Variants in DGKK observed in about 807,000 individuals in gnomAD.
The protein encoded by DGKK is diacylglycerol kinase kappa.
In DGKK, 35 loss-of-function variants were observed where a neutral mutation model predicts 92.2. That is an observed-to-expected ratio of 0.38 (90% CI 0.29 to 0.50). The LOEUF (loss-of-function observed/expected upper bound fraction) is 0.50. Ranked by LOEUF, DGKK falls within the 20% of genes least tolerant of loss-of-function variation. The probability of loss-of-function intolerance (pLI) is 0.92; values close to 1 mark genes in which losing one functional copy is unlikely to be tolerated. For missense variants in DGKK, 910 were observed against 992.2 expected, an observed-to-expected ratio of 0.92 and a Z score of 1.11; for synonymous variants, 368 against 360.6, an observed-to-expected ratio of 1.02 and a Z score of -0.23.
At chrX:50,414,919 C>A (rs1925394310) in intron 4 of DGKK, among the ~76,000 whole-genome samples, 1 of 111,835 alleles carries the variant, frequency 8.9e-6, no homozygotes, top group Admixed American at 9.4e-5. Context: ...GACCATAGAA[C>A]TATTCGGATG....
At chrX:50,465,634 T>G (rs1926881764) in intron 1 of DGKK, among the ~76,000 whole-genome samples, 1 of 111,059 alleles carries the variant, frequency 9.0e-6, no homozygotes, top group Admixed American at 9.6e-5. Context: ...CTGGCTCCTC[T>G]TCTATGCTGG....
At chrX:50,458,622 AT>A (rs1926669505) in intron 1 of DGKK, among the ~76,000 whole-genome samples, 1 of 110,528 alleles carries the variant, frequency 9.0e-6, no homozygotes, top group Admixed American at 9.8e-5. Flanking sequence ...TATATGCCCC[AT>A]CAGCCAACCC....
chrX:50,450,562 A>G (rs1324039172), intron 1 of DGKK, among the ~76,000 whole-genome samples: 2 of 111,809 alleles, frequency 1.8e-5, no homozygotes, highest in East Asian at 5.7e-4. Context: ...ATTTATAATC[A>G]TTTGTCTGTC....
At chrX:50,448,703 C>T (rs1339344126) in intron 1 of DGKK, among the ~76,000 whole-genome samples, 1 of 111,296 alleles carries the variant, frequency 9.0e-6, no homozygotes, top group Non-Finnish European at 1.9e-5. Flanking sequence ...ACCAGTATCC[C>T]TTAATAGTGG....
intron 4 of DGKK, among the ~76,000 whole-genome samples, chrX:50,417,765 C>G (rs1232631229): frequency 1.8e-5 from 2 of 110,587 alleles, no homozygotes; most frequent in Non-Finnish European, 3.8e-5. Context: ...TTTCCCTTGT[C>G]TAACCCATCC....
At position 50,367,048 on chromosome X, in the gene DGKK, T is replaced by C. The variant is rs1923991156; in HGVS notation, c.*1892A>G. The stretch of plus-strand genomic sequence containing the variant: ...TTGGGGACTATCCCCTTGTTAATAT[T>C]TTTCTCCTCACCCCTGCGGAGGTGG... On this transcript the variant is annotated 3_prime_UTR_variant, in exon 28 of 28. Coordinates refer to ENST00000611977, the MANE Select transcript of DGKK (RefSeq NM_001013742.4). 1 of 112,266 alleles carries C rather than the reference T, an allele frequency of 8.9e-6. No individual in the cohort carries two copies. Among genetic ancestry groups the C allele is most frequent in the Non-Finnish European group, 1.9e-5 (1 of 53,248 alleles). 9.3% of individuals were successfully genotyped at this position (112,266 alleles called of 1,213,427 possible).
intron 1 of DGKK, among the ~76,000 whole-genome samples, chrX:50,444,697 T>C (rs1282532667): frequency 8.9e-6 from 1 of 112,268 alleles, no homozygotes; most frequent in Non-Finnish European, 1.9e-5. Flanking sequence ...CTGTCATTGA[T>C]GGGCATTTAG....
At position 50,470,388 on chromosome X, in the gene DGKK, A is replaced by G; in HGVS notation, c.291T>C (p.Pro97=). Reference sequence around the variant, plus strand: ...CAGGTTCTGGGGCCGGCTCTGTGGCAGGTTCTGGGGCCGGTTCTGAGGCCG... The same window carrying G: ...CAGGTTCTGGGGCCGGCTCTGTGGCGGGTTCTGGGGCCGGTTCTGAGGCCG... The part of the protein sequence containing the change: ...TEPASEPAPE[P]ATEPAPEPAT... Residue 97 remains proline (P), a synonymous_variant, in exon 1 of 28, where the codon CCT becomes CCC. Transcript: ENST00000611977. 8.3e-7 allele frequency: 1 copy of G among 1,207,255 alleles called. No homozygotes were observed.
At chrX:50,450,620 T>A (rs998579553) in intron 1 of DGKK, among the ~76,000 whole-genome samples, 11 of 112,259 alleles carry the variant, frequency 9.8e-5, no homozygotes, top group African/African-American at 3.6e-4. Context: ...CACAGCAGTG[T>A]ATACATGACT....
chrX:50,463,893 C>T (rs868915073), intron 1 of DGKK, among the ~76,000 whole-genome samples: 3 of 110,368 alleles, frequency 2.7e-5, no homozygotes, highest in South Asian at 7.7e-4. Flanking sequence ...TTGTGTTTCT[C>T]CCCTACCTAT....
intron 1 of DGKK, among the ~76,000 whole-genome samples, chrX:50,429,995 T>G (rs1208984256): frequency 8.9e-6 from 1 of 112,401 alleles, no homozygotes; most frequent in Non-Finnish European, 1.9e-5. Flanking sequence ...CACCCTGAAA[T>G]TAGCATCTTC....
chrX:50,391,670 T>C, intron 10 of DGKK, 94 bp from the exon 11 acceptor site: 1 of 1,000,472 alleles, frequency 1.0e-6, no homozygotes, highest in Middle Eastern at 2.7e-4. Flanking sequence ...GGAAGAATTA[T>C]GGTCTTAAAA....
intron 19 of DGKK, 32 bp from the exon 20 acceptor site, chrX:50,379,766 A>G: frequency 9.0e-7 from 1 of 1,107,935 alleles, no homozygotes; most frequent in Admixed American, 2.2e-5. Context: ...CATTAGCTGG[A>G]TCTTTAGATA....
intron 1 of DGKK, among the ~76,000 whole-genome samples, chrX:50,462,882 C>CTT (rs548003185): frequency 6.3e-5 from 1 of 15,772 alleles, no homozygotes; most frequent in Admixed American, 1.5e-3. Context: ...CCTTTCCTTG[C>CTT]TTTTTTTTTT....
At chrX:50,414,566 A>G (rs1212099857) in intron 4 of DGKK, among the ~76,000 whole-genome samples, 1 of 111,797 alleles carries the variant, frequency 8.9e-6, no homozygotes, top group African/African-American at 3.2e-5. Flanking sequence ...AAATTATAAT[A>G]TTGTACATAT....
chrX:50,395,382 C>T (rs1224468429), intron 8 of DGKK, among the ~76,000 whole-genome samples: 1 of 111,272 alleles, frequency 9.0e-6, no homozygotes, highest in African/African-American at 3.3e-5. Flanking sequence ...AATTAAAGGA[C>T]TCATGGAAGC....
chrX:50,448,291 T>A (rs782816456), intron 1 of DGKK, among the ~76,000 whole-genome samples: 3 of 111,049 alleles, frequency 2.7e-5, no homozygotes, highest in African/African-American at 9.8e-5. Flanking sequence ...GGCTATTTGA[T>A]CTTCTGGGAG....
chrX:50,406,173 A>C (rs1925149755), intron 4 of DGKK, among the ~76,000 whole-genome samples: 1 of 112,293 alleles, frequency 8.9e-6, no homozygotes, highest in African/African-American at 3.2e-5. Context: ...GAAGAAATTC[A>C]GAGCTCTGCC....
chrX:50,459,708 T>C (rs1476792658), intron 1 of DGKK, among the ~76,000 whole-genome samples: 1 of 110,715 alleles, frequency 9.0e-6, no homozygotes, highest in East Asian at 2.9e-4. Flanking sequence ...TCAAAGAGAG[T>C]TAAGTAGTTT....
Sources: gnomAD v4.1 joint callset for allele counts (sites outside exome capture counted in the v4.1 genomes callset) on GRCh38, gnomAD v4.1.1 for gene constraint, MANE v1.5 for transcripts, NCBI Gene and HGNC (gene_info 2026-07-23, HGNC 2026-07-21) for gene names.